Variants in FSTL5 observed in about 807,000 individuals in gnomAD.
FSTL5 encodes the protein follistatin-related protein 5.
A neutral mutation model predicts 89.1 loss-of-function variants in FSTL5; 62 were observed. The ratio of observed to expected loss-of-function variants is 0.70; its 90% confidence interval spans 0.57 to 0.86. The LOEUF (loss-of-function observed/expected upper bound fraction) is 0.86. Ranked by LOEUF, FSTL5 falls within the 40% of genes least tolerant of loss-of-function variation. FSTL5 has a pLI of 0.00. For missense variants in FSTL5, 1,057 were observed against 1,001.6 expected (o/e 1.06, Z -0.75); for synonymous variants, 383 against 346.2 (o/e 1.11, Z -1.18).
chr4:161,563,810 G>A (rs945312511), intron 8 of FSTL5, among the ~76,000 whole-genome samples: 1 of 151,856 alleles, frequency 6.6e-6, no homozygotes. Flanking sequence ...TAGAATTATT[G>A]GGAATAACAT....
chr4:161,609,496 T>C (rs532658883), intron 7 of FSTL5, among the ~76,000 whole-genome samples: 1 of 152,144 alleles, frequency 6.6e-6, no homozygotes, highest in Non-Finnish European at 1.5e-5. Flanking sequence ...ATGTATTTCA[T>C]TGGATTATGT....
intron 8 of FSTL5, 51 bp from the exon 9 acceptor site, chr4:161,542,744 T>C: frequency 2.3e-6 from 3 of 1,278,430 alleles, no homozygotes; most frequent in Non-Finnish European, 3.1e-6. Context: ...TATTTTCTAT[T>C]TAATTTTCCA....
At chr4:161,871,438 C>G (rs1732258497) in intron 4 of FSTL5, among the ~76,000 whole-genome samples, 1 of 151,948 alleles carries the variant, frequency 6.6e-6, no homozygotes, top group South Asian at 2.1e-4. Context: ...TGTATTTTAT[C>G]AGAATAATTG....
rs893591971 is a variant in FSTL5 at position 161,518,960 on chromosome 4, C to T, written c.1313-8536G>A. Among the ~76,000 whole-genome samples, 7 of 152,248 alleles carry T rather than the reference C, an allele frequency of 4.6e-5. 1 individual carries two copies. In the South Asian group the frequency reaches 8.3e-4, roughly 18 times the overall value. ...TTATATGGCTGGCAATTTGGTGCTGCTTGTTAGCAGGAGGTCTCAGTTTTT... is the reference window on the plus strand; with the variant it reads ...TTATATGGCTGGCAATTTGGTGCTGTTTGTTAGCAGGAGGTCTCAGTTTTT... On this transcript the variant is annotated intron_variant, in intron 10 of 15. Coordinates refer to ENST00000306100, the MANE Select transcript of FSTL5 (RefSeq NM_020116.5).
intron 15 of FSTL5, among the ~76,000 whole-genome samples, chr4:161,427,961 AC>A (rs1326099972): frequency 6.6e-6 from 1 of 152,132 alleles, no homozygotes; most frequent in Non-Finnish European, 1.5e-5. Context: ...ACTTCTTATC[AC>A]TAAAAGAGGC....
chr4:161,763,946 C>T (rs573361828), intron 5 of FSTL5, among the ~76,000 whole-genome samples: 5 of 151,810 alleles, frequency 3.3e-5, no homozygotes, highest in Admixed American at 1.3e-4. Flanking sequence ...TTGTCTCCCC[C>T]CTTTCTTCCT....
At chr4:161,705,950 G>GTATA (rs775369439) in intron 6 of FSTL5, among the ~76,000 whole-genome samples, 54 of 18,544 alleles carry the variant, frequency 2.9e-3, no homozygotes, top group Non-Finnish European at 4.7e-3. Flanking sequence ...GTGTAGATGT[G>GTATA]TGTATATATA....
chr4:161,884,716 A>G (rs1359325918), intron 4 of FSTL5, among the ~76,000 whole-genome samples: 1 of 152,198 alleles, frequency 6.6e-6, no homozygotes, highest in African/African-American at 2.4e-5. Context: ...TTTATAACTA[A>G]TAATTTAATA....
chr4:161,760,002 A>T (rs753080808), intron 5 of FSTL5, among the ~76,000 whole-genome samples: 3 of 152,000 alleles, frequency 2.0e-5, no homozygotes, highest in Non-Finnish European at 4.4e-5. Flanking sequence ...AAGTTAGGTT[A>T]TTTTTTCTCC....
intron 2 of FSTL5, among the ~76,000 whole-genome samples, chr4:162,095,806 G>C (rs897163596): frequency 6.6e-6 from 1 of 151,916 alleles, no homozygotes; most frequent in African/African-American, 2.4e-5. Context: ...AATTCTAGTA[G>C]AATTGATAGA....
intron 13 of FSTL5, among the ~76,000 whole-genome samples, chr4:161,461,288 C>CA (rs781313697): frequency 0.28 from 19,730 of 71,466 alleles, 2,847 homozygotes; most frequent in Non-Finnish European, 0.35. Flanking sequence ...ACTAAAAATA[C>CA]AAAAAAAACA....
At chr4:161,895,491 A>G (rs1430316508) in intron 4 of FSTL5, among the ~76,000 whole-genome samples, 5 of 152,140 alleles carry the variant, frequency 3.3e-5, no homozygotes, top group Non-Finnish European at 7.4e-5. Flanking sequence ...AACTATTTCA[A>G]TAGGAGGAAA....
At chr4:162,060,890 AAG>A (rs1738698257) in intron 2 of FSTL5, among the ~76,000 whole-genome samples, 1 of 152,064 alleles carries the variant, frequency 6.6e-6, no homozygotes, top group Non-Finnish European at 1.5e-5. Flanking sequence ...AAATTTCTGA[AAG>A]AGATATTCTT....
chr4:161,586,366 A>G (rs1461791000), intron 8 of FSTL5, among the ~76,000 whole-genome samples: 1 of 152,124 alleles, frequency 6.6e-6, no homozygotes, highest in East Asian at 1.9e-4. Flanking sequence ...ATTTAATCTC[A>G]TCCAATCTCA....
intron 6 of FSTL5, among the ~76,000 whole-genome samples, chr4:161,731,251 CTTTCCTTGCACTA>C (rs1221543691): frequency 6.6e-6 from 1 of 152,066 alleles, no homozygotes; most frequent in Non-Finnish European, 1.5e-5. Context: ...CCTAGGTATC[CTTTCCTTGCACTA>C]TTTATCCCCA....
At chr4:161,797,116 TA>T (rs1729653307) in intron 4 of FSTL5, among the ~76,000 whole-genome samples, 1 of 151,794 alleles carries the variant, frequency 6.6e-6, no homozygotes, top group Admixed American at 6.6e-5. Context: ...TTTTCTGTTT[TA>T]AACCTTTGAA....
intron 12 of FSTL5, among the ~76,000 whole-genome samples, chr4:161,484,788 A>G (rs1313519287): frequency 6.6e-6 from 1 of 152,208 alleles, no homozygotes. Flanking sequence ...AAACATGAAT[A>G]GGAGAGAACG....
intron 4 of FSTL5, among the ~76,000 whole-genome samples, chr4:161,880,859 A>C (rs139605332): frequency 1.7e-3 from 258 of 152,264 alleles, no homozygotes; most frequent in African/African-American, 5.8e-3. Context: ...AGGGACAGAG[A>C]TTATACCAGT....
chr4:161,845,879 C>T (rs1244491270), intron 4 of FSTL5, among the ~76,000 whole-genome samples: 1 of 151,984 alleles, frequency 6.6e-6, no homozygotes, highest in Admixed American at 6.6e-5. Flanking sequence ...AACTCCATCG[C>T]TACTAAAAAT....
Sources: allele counts gnomAD v4.1 joint callset (sites outside exome capture counted in the v4.1 genomes callset), GRCh38; gene constraint gnomAD v4.1.1; transcripts MANE v1.5; gene names NCBI Gene and HGNC (gene_info 2026-07-23, HGNC 2026-07-21).